GRIN2B: variants seen among roughly 807,000 people sequenced by gnomAD.
The protein encoded by GRIN2B is glutamate receptor ionotropic, NMDA 2B.
GRIN2B carries 5 observed loss-of-function variants against 114.5 expected under a neutral mutation model. The ratio of observed to expected loss-of-function variants is 0.04; its 90% CI spans 0.02 to 0.09. The LOEUF (loss-of-function observed/expected upper bound fraction) is 0.09. GRIN2B is among the 10% of genes least tolerant of loss of function. The pLI, the probability that GRIN2B is intolerant of heterozygous loss-of-function variation, is 1.00. For synonymous variants in GRIN2B, 787 were observed against 745.1 expected (o/e 1.06, Z -0.92); for missense variants, 1,108 against 1,943.5 (o/e 0.57, Z 8.08).
chr12:13,752,072 G>A (rs1011556863), intron 4 of GRIN2B, among the ~76,000 whole-genome samples: 2 of 152,160 alleles, frequency 1.3e-5, no homozygotes, highest in African/African-American at 4.8e-5. Context: ...AACCTGGTTT[G>A]AGTTTCAACC....
At chr12:13,624,910 T>C (rs1333467768) in intron 5 of GRIN2B, among the ~76,000 whole-genome samples, 4 of 152,136 alleles carry the variant, frequency 2.6e-5, no homozygotes, top group African/African-American at 7.2e-5. Flanking sequence ...TTTCCTACTC[T>C]GGAGAGTGAA....
At chr12:13,655,375 T>C (rs780723690) in intron 5 of GRIN2B, among the ~76,000 whole-genome samples, 15 of 152,218 alleles carry the variant, frequency 9.9e-5, no homozygotes, top group Non-Finnish European at 1.8e-4. Context: ...GCAAAAATGC[T>C]GGCCAGATTC....
chr12:13,861,461 G>A (rs1183476415), intron 3 of GRIN2B, among the ~76,000 whole-genome samples: 4 of 152,112 alleles, frequency 2.6e-5, no homozygotes, highest in African/African-American at 2.4e-5. Context: ...AGGATCTCAG[G>A]GAGAATAAAA....
intron 4 of GRIN2B, among the ~76,000 whole-genome samples, chr12:13,735,371 T>C (rs1863160211): frequency 6.6e-6 from 1 of 152,196 alleles, no homozygotes; most frequent in Non-Finnish European, 1.5e-5. Context: ...TGGAAGATGC[T>C]TGTTGGGGTC....
chr12:13,643,815 C>T (rs1949740530), intron 5 of GRIN2B, among the ~76,000 whole-genome samples: 1 of 152,096 alleles, frequency 6.6e-6, no homozygotes, highest in South Asian at 2.1e-4. Context: ...ACTTTCTTTG[C>T]TCATCTGTAA....
rs892796850 is a variant in GRIN2B at position 13,613,670 on chromosome 12, G to A, written c.1654+1444C>T. On this transcript the variant is annotated intron_variant, in intron 8 of 13. Coordinates refer to ENST00000609686, the MANE Select transcript of GRIN2B (RefSeq NM_000834.5). ...AGCTGCCAGTTATCAGCTAAGAGAC[G>A]GCTGGAAAATGGCTTAATAGGTCTA... 3.3e-5 allele frequency among the ~76,000 whole-genome samples: 5 copies of A among 152,116 alleles called. No individual in the cohort carries two copies. The South Asian group carries it at 1.0e-3, about 32-fold the overall frequency.
intron 2 of GRIN2B, among the ~76,000 whole-genome samples, chr12:13,915,691 C>G (rs1866705289): frequency 6.6e-6 from 1 of 152,156 alleles, no homozygotes; most frequent in African/African-American, 2.4e-5. Context: ...TAAATAGCCA[C>G]ATAAGACCAG....
intron 4 of GRIN2B, among the ~76,000 whole-genome samples, chr12:13,745,619 A>G (rs1039263676): frequency 1.3e-5 from 2 of 152,256 alleles, no homozygotes; most frequent in African/African-American, 2.4e-5. Flanking sequence ...GTGTTTTCAC[A>G]TATGTAAATT....
chr12:13,807,094 C>T (rs1205720007), intron 3 of GRIN2B, among the ~76,000 whole-genome samples: 1 of 151,960 alleles, frequency 6.6e-6, no homozygotes, highest in African/African-American at 2.4e-5. Context: ...TCCTGCAAAT[C>T]TCATTAGATT....
At chr12:13,897,141 A>G (rs1175036619) in intron 2 of GRIN2B, among the ~76,000 whole-genome samples, 2 of 152,172 alleles carry the variant, frequency 1.3e-5, no homozygotes, top group African/African-American at 4.8e-5. Flanking sequence ...ACGCATCGAT[A>G]AATGGACAAG....
chr12:13,857,367 G>A (rs1340802063), intron 3 of GRIN2B, among the ~76,000 whole-genome samples: 1 of 143,370 alleles, frequency 7.0e-6, no homozygotes, highest in Non-Finnish European at 1.5e-5. Flanking sequence ...TGGCGCACGC[G>A]TGCATACACA....
intron 5 of GRIN2B, among the ~76,000 whole-genome samples, chr12:13,662,876 G>A (rs1949937658): frequency 6.6e-6 from 1 of 152,108 alleles, no homozygotes; most frequent in Non-Finnish European, 1.5e-5. Context: ...AAAATTAATG[G>A]CTGGAAAATA....
chr12:13,678,461 T>A (rs1950096851), intron 4 of GRIN2B, among the ~76,000 whole-genome samples: 1 of 152,142 alleles, frequency 6.6e-6, no homozygotes, highest in Non-Finnish European at 1.5e-5. Flanking sequence ...TCCAGTTTCA[T>A]GTCCTTTCCT....
intron 2 of GRIN2B, among the ~76,000 whole-genome samples, chr12:13,948,238 A>G (rs775872112): frequency 1.3e-5 from 2 of 152,150 alleles, no homozygotes. Flanking sequence ...AGTCTCTGCC[A>G]GGGGGGATCC....
At chr12:13,874,422 T>C (rs933269348) in intron 2 of GRIN2B, among the ~76,000 whole-genome samples, 2 of 152,238 alleles carry the variant, frequency 1.3e-5, no homozygotes, top group African/African-American at 4.8e-5. Flanking sequence ...AAATTTGTAA[T>C]ACAAACGTAG....
Position 13,550,610 on chromosome 12 carries a change from A to G in GRIN2B, c.*12173T>C, listed in dbSNP as rs1402061932. On this transcript the variant is annotated 3_prime_UTR_variant, in exon 14 of 14. Coordinates refer to ENST00000609686, the MANE Select transcript of GRIN2B (RefSeq NM_000834.5). Reference sequence around the variant, plus strand: ...GGACCTTATGGATTCCATCAGGTCAAATAGGACAGTTAGCAGGATAACTAT... The same window carrying G: ...GGACCTTATGGATTCCATCAGGTCAGATAGGACAGTTAGCAGGATAACTAT... 2.0e-5 allele frequency: 3 copies of G among 152,170 alleles called. No individual in the cohort carries two copies. The highest frequency in any genetic ancestry group is 4.8e-5 in the African/African-American group (2 of 41,432). 9.4% of individuals were successfully genotyped at this position (152,170 alleles called of 1,614,324 possible). A position where few individuals can be genotyped will look rare whatever the true frequency, so the allele number is the denominator to read the frequency against.
intron 3 of GRIN2B, among the ~76,000 whole-genome samples, chr12:13,837,965 T>C (rs1206095233): frequency 1.3e-5 from 2 of 152,180 alleles, no homozygotes; most frequent in African/African-American, 4.8e-5. Flanking sequence ...ATATTAAATA[T>C]TTGTTTAATA....
At position 13,559,568 on chromosome 12, in the gene GRIN2B, G is replaced by A. The variant is rs1421360598; in HGVS notation, c.*3215C>T. On this transcript the variant is annotated 3_prime_UTR_variant, in exon 14 of 14. Coordinates refer to ENST00000609686, the MANE Select transcript of GRIN2B (RefSeq NM_000834.5). ...ATTGCTCACATACCCACCCTCCCAC[G>A]TCTAAACCTAACTTCAGCAATCTTG... The A allele has an allele frequency of 2.0e-5, 3 of 152,136 alleles. No homozygotes were observed. The highest frequency in any genetic ancestry group is 2.9e-5 in the Non-Finnish European group (2 of 68,030). The allele number at this position is 152,136 out of a possible 1,614,324, so 9.4% of individuals were successfully genotyped here. A position where few individuals can be genotyped will look rare whatever the true frequency, so the allele number is the denominator to read the frequency against.
intron 5 of GRIN2B, among the ~76,000 whole-genome samples, chr12:13,659,977 C>T (rs890457606): frequency 3.3e-5 from 5 of 152,172 alleles, no homozygotes. Flanking sequence ...GGGCTGTATA[C>T]AGGGCTGTAT....
Sources: gnomAD v4.1 joint callset for allele counts (sites outside exome capture counted in the v4.1 genomes callset) on GRCh38, gnomAD v4.1.1 for gene constraint, MANE v1.5 for transcripts, NCBI Gene and HGNC (gene_info 2026-07-23, HGNC 2026-07-21) for gene names.